The following NPAS3 variants were observed in gnomAD, a reference collection of about 807,000 sequenced individuals.
NPAS3 encodes the protein neuronal PAS domain protein 3.
In NPAS3, 14 loss-of-function variants were observed where a neutral mutation model predicts 73.1. The observed-to-expected ratio is 0.19, with a 90% CI of 0.13 to 0.30. The LOEUF (loss-of-function observed/expected upper bound fraction) is 0.30, where lower values mean the gene tolerates loss of function less well. Among genes scored for constraint, NPAS3 ranks in the 10% least tolerant of loss-of-function variants. The pLI is 1.00. For synonymous variants in NPAS3, 620 were observed against 541.5 expected, an observed-to-expected ratio of 1.14 and a Z score of -2.01; for missense variants, 1,096 against 1,250.0, an observed-to-expected ratio of 0.88 and a Z score of 1.86.
intron 1 of NPAS3, among the ~76,000 whole-genome samples, chr14:32,980,279 G>T (rs2037844004): frequency 6.6e-6 from 1 of 152,132 alleles, no homozygotes; most frequent in Admixed American, 6.5e-5. Context: ...GAAAAGAGGT[G>T]GCTCTCTTAT....
chr14:33,004,838 G>GTTTTTTTTTTTTTTTTTTTTTTTTTTT (rs1555320105), intron 1 of NPAS3, among the ~76,000 whole-genome samples: 48 of 51,472 alleles, frequency 9.3e-4, no homozygotes, highest in Non-Finnish European at 1.3e-3. Flanking sequence ...TTTTTTTTTA[G>GTTTTTTTTTTTTTTTTTTTTTTTTTTT]TTTTAAAACT....
intron 3 of NPAS3, among the ~76,000 whole-genome samples, chr14:33,232,847 A>C (rs138811517): frequency 1.3e-5 from 2 of 150,862 alleles, no homozygotes; most frequent in Admixed American, 1.3e-4. Flanking sequence ...AGTGCAAAGC[A>C]GATATTTAAG....
chr14:33,200,453 T>C (rs1052243515), intron 2 of NPAS3, among the ~76,000 whole-genome samples: 1 of 152,154 alleles, frequency 6.6e-6, no homozygotes, highest in Non-Finnish European at 1.5e-5. Context: ...TCCTCCATTT[T>C]ATGCCTCTTT....
chr14:33,329,020 T>A (rs2043854081), intron 3 of NPAS3, among the ~76,000 whole-genome samples: 1 of 152,208 alleles, frequency 6.6e-6, no homozygotes, highest in South Asian at 2.1e-4. Context: ...TTCTCTATTT[T>A]TTTTGGCATT....
chr14:33,002,015 T>A (rs2038825423), intron 1 of NPAS3, among the ~76,000 whole-genome samples: 1 of 152,192 alleles, frequency 6.6e-6, no homozygotes. Context: ...GGAGAATGTA[T>A]TATTTTGTAC....
chr14:33,188,364 T>C (rs1034954029), intron 2 of NPAS3, among the ~76,000 whole-genome samples: 15 of 152,208 alleles, frequency 9.9e-5, no homozygotes, highest in African/African-American at 3.1e-4. Flanking sequence ...GGGTAATAAG[T>C]GTTTTTTGAA....
intron 11 of NPAS3, among the ~76,000 whole-genome samples, chr14:33,798,452 C>T (rs545794062): frequency 2.6e-5 from 4 of 152,160 alleles, no homozygotes; most frequent in Non-Finnish European, 5.9e-5. Flanking sequence ...ATGACCACAA[C>T]TTCTAGTCCA....
intron 6 of NPAS3, among the ~76,000 whole-genome samples, chr14:33,728,619 G>A (rs535826950): frequency 1.1e-4 from 17 of 152,228 alleles, no homozygotes; most frequent in South Asian, 4.1e-4. Flanking sequence ...GCACTGCCTC[G>A]CCACCAGTAG....
intron 4 of NPAS3, among the ~76,000 whole-genome samples, chr14:33,512,631 T>A (rs970341538): frequency 6.6e-6 from 1 of 152,064 alleles, no homozygotes; most frequent in African/African-American, 2.4e-5. Context: ...GTTTGCATTC[T>A]GGTGTGCCTC....
In NPAS3 at chr14:32,962,717, C is replaced by G. The variant is rs187164859; in HGVS notation, c.50+23351C>G. 3.4e-3 allele frequency among the ~76,000 whole-genome samples: 508 copies of G among 151,264 alleles called. 1 individual carries two copies. The highest frequency in any genetic ancestry group is 0.011 in the African/African-American group (472 of 41,288). ...AGCTGGGATTACAGGCATGCACCAT[C>G]ATGCCTGGCTAATTTTTGTATTTTT... On this transcript the variant is annotated intron_variant, in intron 1 of 11. Transcript: ENST00000356141.
chr14:33,510,968 G>C (rs2053021835), intron 4 of NPAS3, among the ~76,000 whole-genome samples: 1 of 152,086 alleles, frequency 6.6e-6, no homozygotes, highest in Non-Finnish European at 1.5e-5. Context: ...GCTCTTACCT[G>C]AGCAATTTCT....
At chr14:33,610,925 A>G (rs1349766994) in intron 5 of NPAS3, 1 of 152,220 alleles carries the variant, frequency 6.6e-6, no homozygotes, top group East Asian at 1.9e-4. Context: ...AGCAGCTTAT[A>G]ATTGTTTTCC....
At chr14:33,195,017 C>G (rs536202693) in intron 2 of NPAS3, among the ~76,000 whole-genome samples, 2 of 152,078 alleles carry the variant, frequency 1.3e-5, no homozygotes, top group South Asian at 4.2e-4. Context: ...TACCCATGGT[C>G]AAAAGTACTG....
At chr14:33,177,071 TTTATTATTATTATTATTA>T (rs58286290) in intron 2 of NPAS3, among the ~76,000 whole-genome samples, 2 of 138,336 alleles carry the variant, frequency 1.4e-5, no homozygotes, top group East Asian at 2.0e-4. Context: ...TGTTTATCTT[TTTATTATTATTATTATTA>T]TTATTATTAT....
Position 33,325,309 on chromosome 14 carries a change from T to C in NPAS3, c.386-41877T>C, listed in dbSNP as rs146659069. ...TGTCCTCTCAAGCATTTATCATTTG[T>C]GTTACAAACAATCCAACTACACTCT... On this transcript the variant is annotated intron_variant, in intron 3 of 11. Coordinates refer to ENST00000356141, the Ensembl canonical transcript of NPAS3. Among the ~76,000 whole-genome samples, 1,285 of 152,288 alleles carry C rather than the reference T, an allele frequency of 8.4e-3. 20 individuals carry two copies. The highest frequency in any genetic ancestry group is 0.028 in the African/African-American group (1,160 of 41,574).
intron 5 of NPAS3, among the ~76,000 whole-genome samples, chr14:33,628,810 TAC>T (rs2058293833): frequency 6.6e-6 from 1 of 152,216 alleles, no homozygotes; most frequent in South Asian, 2.1e-4. Context: ...AAGAAAACGA[TAC>T]AATTTTCTCA....
At chr14:33,779,471 C>T (rs1025188797) in intron 9 of NPAS3, among the ~76,000 whole-genome samples, 1 of 152,192 alleles carries the variant, frequency 6.6e-6, no homozygotes, top group African/African-American at 2.4e-5. Context: ...AAGCTTCTAA[C>T]CCCAGTTCAG....
chr14:33,749,763 T>C (rs973606463), intron 7 of NPAS3, among the ~76,000 whole-genome samples: 3 of 151,964 alleles, frequency 2.0e-5, no homozygotes, highest in Non-Finnish European at 4.4e-5. Flanking sequence ...AGACACAGAT[T>C]GATGCAGAGC....
chr14:33,234,164 T>C (rs2047949832), intron 3 of NPAS3, among the ~76,000 whole-genome samples: 1 of 152,156 alleles, frequency 6.6e-6, no homozygotes, highest in South Asian at 2.1e-4. Flanking sequence ...TTTTGTCTGG[T>C]GGCAATTCCC....
Sources: gnomAD v4.1 joint callset for allele counts (sites outside exome capture counted in the v4.1 genomes callset) on GRCh38, gnomAD v4.1.1 for gene constraint, MANE v1.5 for transcripts, NCBI Gene and HGNC (gene_info 2026-07-23, HGNC 2026-07-21) for gene names.